Variants in PRKAR1A observed in about 807,000 individuals in gnomAD.
PRKAR1A encodes cAMP-dependent protein kinase type I-alpha regulatory subunit.
In PRKAR1A, 3 loss-of-function variants were observed where a neutral mutation model predicts 52.0. The observed-to-expected ratio is 0.06, with a 90% CI of 0.03 to 0.15. PRKAR1A has a LOEUF of 0.15. PRKAR1A is among the 10% of genes least tolerant of loss of function. The pLI, the probability that PRKAR1A is intolerant of heterozygous loss-of-function variation, is 1.00. For missense variants in PRKAR1A, 240 were observed against 477.4 expected (o/e 0.50, Z 4.63); for synonymous variants, 188 against 168.4 (o/e 1.12, Z -0.90).
At chr17:68,439,158 A>G in the PRKAR1A span, among the ~76,000 whole-genome samples, 1 of 152,250 alleles carries the variant, frequency 6.6e-6, no homozygotes, top group African/African-American at 2.4e-5. Context: ...AATTTAACAT[A>G]TGTCCACACA....
At chr17:68,502,829 G>GA in the PRKAR1A span, among the ~76,000 whole-genome samples, 8 of 148,662 alleles carry the variant, frequency 5.4e-5, no homozygotes, top group Admixed American at 4.7e-4. Flanking sequence ...TCTTAGCTAA[G>GA]AAAAAATTGG....
At chr17:68,449,111 G>A in the PRKAR1A span, among the ~76,000 whole-genome samples, 3 of 152,310 alleles carry the variant, frequency 2.0e-5, no homozygotes, top group Admixed American at 6.5e-5. Flanking sequence ...GTACTTAAGA[G>A]TTTAGACAAA....
the PRKAR1A span, chr17:68,450,603 G>C: frequency 7.8e-7 from 1 of 1,280,678 alleles, no homozygotes; most frequent in Non-Finnish European, 1.1e-6. Flanking sequence ...CACGGGGCCT[G>C]AGTGTTAACA....
upstream of PRKAR1A, among the ~76,000 whole-genome samples, chr17:68,509,301 T>G (rs1312121171): frequency 3.3e-5 from 5 of 152,176 alleles, no homozygotes; most frequent in African/African-American, 9.7e-5. Flanking sequence ...ATCCTCCCAG[T>G]ACATGCGTGG....
chr17:68,457,548 GCCCCTACCCCGCCCCGT>G, the PRKAR1A span: 1 of 166,832 alleles, frequency 6.0e-6, no homozygotes, highest in Non-Finnish European at 8.3e-6. Flanking sequence ...TCCCCACCCC[GCCCCTACCCCGCCCCGT>G]CCCCACCCCG....
chr17:68,422,496 C>G, the PRKAR1A span: 1 of 150,294 alleles, frequency 6.7e-6, no homozygotes, highest in Admixed American at 6.6e-5. Flanking sequence ...CTTTAGGAGG[C>G]TGAGGGGGGT....
the PRKAR1A span, among the ~76,000 whole-genome samples, chr17:68,467,825 T>C: frequency 6.6e-6 from 1 of 152,202 alleles, no homozygotes; most frequent in Non-Finnish European, 1.5e-5. Context: ...GCTTCCAAAC[T>C]TAGCTGCTTA....
the PRKAR1A span, among the ~76,000 whole-genome samples, chr17:68,477,374 T>C: frequency 2.0e-5 from 3 of 152,350 alleles, no homozygotes; most frequent in East Asian, 5.8e-4. Context: ...CAAGACTCAC[T>C]ATGAGACTGC....
chr17:68,547,778 T>G (rs1568731740), intron 11 of PRKAR1A, among the ~76,000 whole-genome samples: 2 of 152,354 alleles, frequency 1.3e-5, no homozygotes, highest in East Asian at 1.9e-4. Flanking sequence ...GCTGTTTTGC[T>G]TTCTTATCAT....
chr17:68,424,463 A>G, the PRKAR1A span: 10 of 534,702 alleles, frequency 1.9e-5, no homozygotes, highest in Non-Finnish European at 3.5e-5. Flanking sequence ...TGGAAGCTCA[A>G]TGGACACAAA....
chr17:68,511,557 T>C (rs2085265032), upstream of PRKAR1A, among the ~76,000 whole-genome samples: 1 of 152,230 alleles, frequency 6.6e-6, no homozygotes, highest in African/African-American at 2.4e-5. Context: ...GGGGGGGCAC[T>C]TCAGGTTCTA....
the PRKAR1A span, among the ~76,000 whole-genome samples, chr17:68,415,782 T>TC: frequency 6.6e-6 from 1 of 152,246 alleles, no homozygotes. Context: ...TGTCTCTGTC[T>TC]TTTTTAACTG....
At chr17:68,458,467 C>T in the PRKAR1A span, among the ~76,000 whole-genome samples, 2 of 152,058 alleles carry the variant, frequency 1.3e-5, no homozygotes, top group Non-Finnish European at 2.9e-5. Flanking sequence ...TTTGACGGAG[C>T]TGGAAGGTGG....
At chr17:68,509,364 CTG>C (rs1276999013), upstream of PRKAR1A, among the ~76,000 whole-genome samples, 5 of 152,272 alleles carry the variant, frequency 3.3e-5, no homozygotes, top group South Asian at 4.2e-4. Flanking sequence ...GGCGGTCTCA[CTG>C]TGTTGCCCAG....
chr17:68,457,475 A>G, the PRKAR1A span: 1 of 1,363,550 alleles, frequency 7.3e-7, no homozygotes, highest in Non-Finnish European at 9.4e-7. Context: ...CCACCTCAGC[A>G]GCCCGCCCGC....
At chr17:68,481,721 A>G in the PRKAR1A span, among the ~76,000 whole-genome samples, 32,607 of 152,218 alleles carry the variant, frequency 0.21, 3,832 homozygotes, top group Middle Eastern at 0.27. Flanking sequence ...TTATTCATAC[A>G]GCCATTCATT....
the PRKAR1A span, among the ~76,000 whole-genome samples, chr17:68,446,886 A>T: frequency 5.0e-4 from 76 of 152,316 alleles, no homozygotes; most frequent in African/African-American, 1.6e-3. Flanking sequence ...TGCTGGCTGC[A>T]GATAAGACTA....
chr17:68,426,182 A>C, the PRKAR1A span: 21 of 1,580,294 alleles, frequency 1.3e-5, no homozygotes, highest in Non-Finnish European at 1.8e-5. Context: ...TAACCTGGAA[A>C]CCAAGAAAGA....
chr17:68,513,558 A>C (rs143346228), intron 1 of PRKAR1A, among the ~76,000 whole-genome samples: 9 of 152,354 alleles, frequency 5.9e-5, no homozygotes, highest in African/African-American at 1.9e-4. Context: ...CATAGAGACA[A>C]TGCAGCGAAA....
Sources: gnomAD v4.1 joint callset for allele counts (sites outside exome capture counted in the v4.1 genomes callset) on GRCh38, gnomAD v4.1.1 for gene constraint, MANE v1.5 for transcripts, NCBI Gene and HGNC (gene_info 2026-07-23, HGNC 2026-07-21) for gene names.